The following CCDC93 variants were observed in gnomAD, a reference collection of about 807,000 sequenced individuals.
CCDC93 encodes the protein coiled-coil domain-containing protein 93.
In CCDC93, 61 loss-of-function variants were observed where a neutral mutation model predicts 108.2. That is an observed-to-expected ratio of 0.56 (90% confidence interval 0.46 to 0.70). CCDC93 has a LOEUF of 0.70. CCDC93 is among the 30% of genes least tolerant of loss of function. CCDC93 has a pLI of 0.00. For synonymous variants in CCDC93, 276 were observed against 260.4 expected, an observed-to-expected ratio of 1.06 and a Z score of -0.58; for missense variants, 685 against 764.2, an observed-to-expected ratio of 0.90 and a Z score of 1.22.
intron 23 of CCDC93, among the ~76,000 whole-genome samples, chr2:117,929,226 G>A (rs1373075094): frequency 3.3e-5 from 5 of 152,212 alleles, no homozygotes; most frequent in South Asian, 4.2e-4. Flanking sequence ...TAACCTGCAC[G>A]TTGTGCACAT....
At chr2:117,977,965 TTC>T (rs770299056) in intron 8 of CCDC93, 27 bp downstream of exon 8, 5 of 1,604,450 alleles carry the variant, frequency 3.1e-6, no homozygotes, top group East Asian at 2.2e-5. Flanking sequence ...CTCTCAAGTA[TTC>T]TCTCTTACTA....
intron 14 of CCDC93, among the ~76,000 whole-genome samples, chr2:117,949,028 C>A (rs547359751): frequency 4.6e-5 from 7 of 152,138 alleles, no homozygotes; most frequent in Non-Finnish European, 7.3e-5. Context: ...TCACCATATG[C>A]CCTTTTCTGT....
In CCDC93 at chr2:117,916,535, T is replaced by C. The variant is rs753187256; in HGVS notation, c.*3808A>G. 2.0e-5 allele frequency: 3 copies of C among 152,216 alleles called. No individual in the cohort carries two copies. Among genetic ancestry groups the C allele is most frequent in the Non-Finnish European group, 4.4e-5 (3 of 68,036 alleles). The allele number at this position is 152,216 out of a possible 1,614,324, so 9.4% of individuals were successfully genotyped here. On this transcript the variant is annotated 3_prime_UTR_variant, in exon 24 of 24. Coordinates refer to ENST00000376300, the MANE Select transcript of CCDC93 (RefSeq NM_019044.5). The stretch of plus-strand genomic sequence containing the variant: ...TCCTAATAGAGATGCAAAGTTGCAA[T>C]GTGGAAAAGCCATTTTATCCAACCG...
chr2:117,997,398 A>G (rs971278017), intron 4 of CCDC93: 1 of 152,192 alleles, frequency 6.6e-6, no homozygotes, highest in African/African-American at 2.4e-5. Flanking sequence ...CTCCCTCTCC[A>G]GAGAAAGCTA....
chr2:117,972,276 T>C (rs1679790191), intron 11 of CCDC93, among the ~76,000 whole-genome samples: 1 of 152,212 alleles, frequency 6.6e-6, no homozygotes, highest in African/African-American at 2.4e-5. Context: ...TTTCACTCTT[T>C]TCTAGAAGAA....
intron 13 of CCDC93, chr2:117,950,520 C>G (rs1255864769): frequency 7.1e-6 from 7 of 985,280 alleles, no homozygotes; most frequent in Non-Finnish European, 3.6e-6. Flanking sequence ...CTACTTTTCC[C>G]AGATTTACTG....
intron 11 of CCDC93, among the ~76,000 whole-genome samples, chr2:117,969,559 T>C (rs1679694305): frequency 1.3e-5 from 2 of 152,224 alleles, no homozygotes; most frequent in Admixed American, 1.3e-4. Flanking sequence ...AAGCAGCCCC[T>C]GACGTCTGAA....
chr2:118,000,783 G>A, intron 4 of CCDC93, 38 bp downstream of exon 4: 1 of 1,338,924 alleles, frequency 7.5e-7, no homozygotes. Context: ...CAGGAATTCT[G>A]ATGTTAAGAG....
chr2:117,954,079 G>C (rs1240897224), intron 12 of CCDC93, among the ~76,000 whole-genome samples: 1 of 152,154 alleles, frequency 6.6e-6, no homozygotes, highest in Non-Finnish European at 1.5e-5. Context: ...TGATAGAGCA[G>C]CCTAAATGGA....
intron 13 of CCDC93, 34 bp from the exon 14 acceptor site, chr2:117,949,429 C>T: frequency 1.3e-6 from 2 of 1,496,628 alleles, no homozygotes; most frequent in Non-Finnish European, 1.9e-6. Flanking sequence ...GTTGCTGGAG[C>T]CTTGGTAGCA....
At chr2:117,952,263 G>T in intron 13 of CCDC93, 110 bp downstream of exon 13, 1 of 788,194 alleles carries the variant, frequency 1.3e-6, no homozygotes, top group Non-Finnish European at 2.3e-6. Context: ...CTGAGAACAG[G>T]ATCGTGTCTC....
In CCDC93 at chr2:117,952,418, G is replaced by C; in HGVS notation, c.1023C>G (p.Thr341=). The change falls in exon 13 of 24, where the codon ACC becomes ACG. Residue 341 remains threonine, a synonymous_variant. Transcript: ENST00000376300. The part of the protein sequence containing the change: ...KHLEELRASH[T]SLQARYNEAK... The stretch of plus-strand genomic sequence containing the variant: ...CTTCATTATATCTGGCTTGTAGGCT[G>C]GTGTGACTTGCTCGCAGCTGTAAAT... 1 of 1,612,906 alleles carries C rather than the reference G, an allele frequency of 6.2e-7. No homozygotes were observed. Among genetic ancestry groups the C allele is most frequent in the South Asian group, 1.1e-5 (1 of 91,054 alleles).
chr2:117,993,246 G>C (rs1314397639), intron 6 of CCDC93, among the ~76,000 whole-genome samples: 1 of 151,902 alleles, frequency 6.6e-6, no homozygotes, highest in Non-Finnish European at 1.5e-5. Context: ...AAAACAAAAA[G>C]TGAGCCAGGT....
At chr2:117,939,193 G>T (rs1274978344) in intron 19 of CCDC93, 82 bp from the exon 20 acceptor site, 3 of 818,072 alleles carry the variant, frequency 3.7e-6, no homozygotes, top group Non-Finnish European at 6.1e-6. Context: ...TGAATGCACT[G>T]CCAGGACAAC....
rs1676940704 is a variant in CCDC93, at chr2:118,008,650, T to G, written c.51A>C (p.Thr17=). The G allele has an allele frequency of 6.2e-7, 1 of 1,606,348 alleles. No individual in the cohort carries two copies. Among genetic ancestry groups the G allele is most frequent in the African/African-American group, 1.3e-5 (1 of 74,688 alleles). The change falls in exon 2 of 24, where the codon ACA becomes ACC. Residue 17 remains threonine (T), a synonymous_variant. Coordinates refer to ENST00000376300, the MANE Select transcript of CCDC93 (RefSeq NM_019044.5). ...TGACATTTTGTTCTTCATCTTCTCT[T>G]GTTTCCACCTAAAATAAAAGGTAAA... ...PEGQGLPEVE[T]REDEEQNVKL... is the part of the protein sequence containing the mutation.
At chr2:117,943,367 T>A (rs1162941563) in intron 18 of CCDC93, among the ~76,000 whole-genome samples, 1 of 152,236 alleles carries the variant, frequency 6.6e-6, no homozygotes, top group Non-Finnish European at 1.5e-5. Flanking sequence ...TTTATTTAGT[T>A]CTGTGCCTCT....
intron 7 of CCDC93, among the ~76,000 whole-genome samples, chr2:117,979,409 A>C (rs1354313923): frequency 6.6e-6 from 1 of 152,000 alleles, no homozygotes; most frequent in Admixed American, 6.6e-5. Flanking sequence ...AGCATCCCCC[A>C]TGCACATGTG....
At chr2:117,958,525 G>T in intron 11 of CCDC93, 44 bp from the exon 12 acceptor site, 1 of 1,158,022 alleles carries the variant, frequency 8.6e-7, no homozygotes, top group South Asian at 1.2e-5. Context: ...TTAGTTAGTT[G>T]ACCTTGGTTC....
chr2:118,006,849 T>C (rs750215407), intron 2 of CCDC93, 33 bp from the exon 3 acceptor site: 2 of 1,409,122 alleles, frequency 1.4e-6, no homozygotes, highest in Non-Finnish European at 2.0e-6. Context: ...TTGTTTTCTC[T>C]TTTTAGTTTG....
Sources: gnomAD v4.1 joint callset for allele counts (sites outside exome capture counted in the v4.1 genomes callset) on GRCh38, gnomAD v4.1.1 for gene constraint, MANE v1.5 for transcripts, NCBI Gene and HGNC (gene_info 2026-07-23, HGNC 2026-07-21) for gene names.